Variants in TMEM145 observed in about 807,000 individuals in gnomAD.
The protein encoded by TMEM145 is transmembrane protein 145.
In TMEM145, 46 loss-of-function variants were observed where a neutral mutation model predicts 68.5. That is an observed-to-expected ratio of 0.67 (90% CI 0.53 to 0.86). TMEM145 has a LOEUF of 0.86. Ranked by LOEUF, TMEM145 falls within the 40% of genes least tolerant of loss-of-function variation. The pLI is 0.00. For synonymous variants in TMEM145, 255 were observed against 280.2 expected, an observed-to-expected ratio of 0.91 and a Z score of 0.90; for missense variants, 570 against 645.8, an observed-to-expected ratio of 0.88 and a Z score of 1.27.
intron 14 of TMEM145, 154 bp from the exon 15 acceptor site, chr19:42,324,583 A>T: frequency 5.1e-6 from 5 of 982,598 alleles, no homozygotes; most frequent in Non-Finnish European, 6.0e-6. Flanking sequence ...CGGGCTCCGG[A>T]CCCCTGCTTT....
intron 8 of TMEM145, among the ~76,000 whole-genome samples, chr19:42,316,207 GT>G (rs367737404): frequency 0.033 from 4,631 of 140,642 alleles, 138 homozygotes; most frequent in South Asian, 0.091. Flanking sequence ...GGAGGAGGGG[GT>G]GGGGGCCTGG....
At chr19:42,317,618 C>A in intron 11 of TMEM145, 91 bp from the exon 12 acceptor site, 1 of 1,292,684 alleles carries the variant, frequency 7.7e-7, no homozygotes, top group Non-Finnish European at 1.1e-6. Flanking sequence ...TGACCGAGTA[C>A]CTCTGTTCCC....
chr19:42,318,033 A>G, intron 12 of TMEM145, 152 bp downstream of exon 12: 1 of 888,688 alleles, frequency 1.1e-6, no homozygotes, highest in Non-Finnish European at 1.7e-6. Context: ...CACTTTGTGA[A>G]AAATTACTTT....
chr19:42,320,358 G>T lies in TMEM145; in HGVS notation c.1115G>T (p.Gly372Val), dbSNP rs753778493. Reference sequence around the variant, plus strand: ...GTCATGGCCCTGATTGCCAATTTCGGCATCCCCAAGTGGGCCCGGGAGAAG... The same window carrying T: ...GTCATGGCCCTGATTGCCAATTTCGTCATCCCCAAGTGGGCCCGGGAGAAG... ...VPVMALIANF[G>V]IPKWAREKIV... The change falls in exon 13 of 15, where the codon GGC (glycine) becomes GTC (valine). Residue 372 changes from glycine to valine, a missense_variant. Transcript: ENST00000301204. 4 of 1,614,010 alleles carry T rather than the reference G, an allele frequency of 2.5e-6. No individual in the cohort carries two copies. The highest frequency in any genetic ancestry group is 3.4e-6 in the Non-Finnish European group (4 of 1,180,042).
chr19:42,315,743 G>A (rs993843586), intron 8 of TMEM145, among the ~76,000 whole-genome samples: 4 of 151,938 alleles, frequency 2.6e-5, no homozygotes, highest in African/African-American at 9.7e-5. Context: ...TATAAAGGCC[G>A]GAACTAGGCT....
chr19:42,324,471 G>A, intron 14 of TMEM145: 1 of 985,386 alleles, frequency 1.0e-6, no homozygotes, highest in Non-Finnish European at 1.2e-6. Context: ...CCGCACACCG[G>A]CTTCACCGAA....
At chr19:42,314,563 G>T in intron 3 of TMEM145, 35 bp downstream of exon 3, 23 of 1,614,194 alleles carry the variant, frequency 1.4e-5, no homozygotes, top group Non-Finnish European at 1.9e-5. Flanking sequence ...GGGGAGAGGG[G>T]AGAAGGTCGT....
At chr19:42,317,005 CT>C in intron 11 of TMEM145, 42 bp downstream of exon 11, 2 of 1,563,214 alleles carry the variant, frequency 1.3e-6, no homozygotes. Flanking sequence ...CCTTCCCCTG[CT>C]TTTGGCGCCG....
intron 14 of TMEM145, 110 bp from the exon 15 acceptor site, chr19:42,324,627 T>TAC: frequency 3.4e-6 from 4 of 1,178,636 alleles, no homozygotes; most frequent in African/African-American, 1.7e-5. Flanking sequence ...TCCCCGGCCT[T>TAC]CCCGACCCTT....
chr19:42,313,481 C>T lies in TMEM145; in HGVS notation c.105C>T (p.Asn35=). 7.5e-7 allele frequency: 1 copy of T among 1,328,726 alleles called. No homozygotes were observed. Among genetic ancestry groups the T allele is most frequent in the Non-Finnish European group, 9.7e-7 (1 of 1,035,934 alleles). 82.3% of individuals were successfully genotyped at this position (1,328,726 alleles called of 1,614,324 possible). ...PRARAKYVRG[N]LSSKEDWVFL... ...CCCGGGCCAAGTACGTGCGGGGCAA[C>T]CTCAGTTCCAAGGAGGTGAGCATGC... The change falls in exon 1 of 15, where the codon AAC becomes AAT. Residue 35 remains asparagine, a synonymous_variant. Transcript: ENST00000301204. The surrounding 1 kb of genome is among the most constrained non-coding windows in gnomAD (Gnocchi z 5.1).
chr19:42,320,205 C>T (rs1351538796), intron 12 of TMEM145, 112 bp from the exon 13 acceptor site: 1 of 1,447,298 alleles, frequency 6.9e-7, no homozygotes, highest in East Asian at 2.3e-5. Context: ...GGCTTCCCTC[C>T]AGTTTGGGAC....
intron 12 of TMEM145, 105 bp from the exon 13 acceptor site, chr19:42,320,212 G>A: frequency 4.0e-6 from 6 of 1,494,058 alleles, no homozygotes; most frequent in Non-Finnish European, 3.7e-6. Flanking sequence ...CTCCAGTTTG[G>A]GACCTGCCTG....
Position 42,315,904 on chromosome 19 carries a change from C to T in TMEM145, c.646+464C>T, listed in dbSNP as rs556499048. On this transcript the variant is annotated intron_variant, in intron 8 of 14. Transcript: ENST00000301204. ...AATTAGCTGGACATGGTGGCGTGTGCGTGTAATCCCAGCTACTCAGGAGGC... is the reference window on the plus strand; with the variant it reads ...AATTAGCTGGACATGGTGGCGTGTGTGTGTAATCCCAGCTACTCAGGAGGC... Among the ~76,000 whole-genome samples, 236 of 152,126 alleles carry T rather than the reference C, an allele frequency of 1.6e-3. 1 individual carries two copies. The highest frequency in any genetic ancestry group is 4.6e-3 in the African/African-American group (190 of 41,478).
chr19:42,323,814 G>C (rs766794417), intron 14 of TMEM145, 25 bp downstream of exon 14: 4 of 1,606,246 alleles, frequency 2.5e-6, no homozygotes, highest in Non-Finnish European at 3.4e-6. Context: ...CCCAGCGCCC[G>C]AGGAGCTGCT....
At chr19:42,324,558 T>C in intron 14 of TMEM145, 179 bp from the exon 15 acceptor site, 6 of 984,776 alleles carry the variant, frequency 6.1e-6, no homozygotes, top group Non-Finnish European at 7.2e-6. Context: ...CCATGGGCCA[T>C]GACCGGGCCC....
chr19:42,323,906 C>T, intron 14 of TMEM145, 117 bp downstream of exon 14: 2 of 894,950 alleles, frequency 2.2e-6, no homozygotes, highest in East Asian at 2.7e-5. Context: ...CTCCTCCTGC[C>T]TTTCGCACTC....
At chr19:42,314,875 T>C in intron 5 of TMEM145, 24 bp downstream of exon 5, 1 of 1,614,190 alleles carries the variant, frequency 6.2e-7, no homozygotes, top group Admixed American at 1.7e-5. Context: ...GGTGGTATAT[T>C]GCGCTCAGCA....
In TMEM145 at chr19:42,316,355, C is replaced by T. The variant is rs768675118; in HGVS notation, c.647-126C>T. 6.8e-5 allele frequency: 60 copies of T among 880,024 alleles called. 1 individual carries two copies. The highest frequency in any genetic ancestry group is 1.5e-4 in the South Asian group (10 of 68,658). The allele number at this position is 880,024 out of a possible 1,614,324, so 54.5% of individuals were successfully genotyped here. On this transcript the variant is annotated intron_variant, in intron 8 of 14. Coordinates refer to ENST00000301204, the MANE Select transcript of TMEM145 (RefSeq NM_173633.3). ...CTCCAGATTCTCCTAGCAGGTGAGT[C>T]GGGGTAGAAGGTCTGGAGTCCTAAG... is the stretch of plus-strand genomic sequence containing the variant.
chr19:42,319,757 CTTTTTTT>C (rs111353949), intron 12 of TMEM145, among the ~76,000 whole-genome samples: 1 of 102,590 alleles, frequency 9.7e-6, no homozygotes, highest in Non-Finnish European at 2.0e-5. Flanking sequence ...CTGATTTCTT[CTTTTTTT>C]TTTTTTTTTT....
Sources: allele counts gnomAD v4.1 joint callset (sites outside exome capture counted in the v4.1 genomes callset), GRCh38; gene constraint gnomAD v4.1.1; non-coding constraint Gnocchi (gnomAD v3.1); transcripts MANE v1.5; gene names NCBI Gene and HGNC (gene_info 2026-07-23, HGNC 2026-07-21).